TSGA10: variants seen among roughly 807,000 people sequenced by gnomAD.
The protein encoded by TSGA10 is testis specific 10.
TSGA10 carries 43 observed loss-of-function variants against 96.6 expected under a neutral mutation model. That is an observed-to-expected ratio of 0.44 (90% CI 0.35 to 0.57). The LOEUF (loss-of-function observed/expected upper bound fraction) is 0.57, where lower values mean the gene tolerates loss of function less well. Among genes scored for constraint, TSGA10 ranks in the 20% least tolerant of loss-of-function variants. TSGA10 has a pLI of 0.01. For synonymous variants in TSGA10, 229 were observed against 269.9 expected (o/e 0.85, Z 1.48); for missense variants, 703 against 834.4 (o/e 0.84, Z 1.94).
At position 99,111,182 on chromosome 2, in the gene TSGA10, G is replaced by A. The variant is rs556835950; in HGVS notation, c.-139-267C>T. ...TTACCAAATTATTCCCCATAAACTGGAACAAAATGTTAGTACTAATTACAA... is the reference window on the plus strand; with the variant it reads ...TTACCAAATTATTCCCCATAAACTGAAACAAAATGTTAGTACTAATTACAA... On this transcript the variant is annotated intron_variant, in intron 4 of 20. Transcript: ENST00000393483. Among the ~76,000 whole-genome samples, 146 of 152,006 alleles carry A rather than the reference G, an allele frequency of 9.6e-4. 1 individual carries two copies. The highest frequency in any genetic ancestry group is 3.9e-3 in the Admixed American group (60 of 15,290).
chr2:99,109,611 T>G (rs2091639728), intron 5 of TSGA10, 99 bp from the exon 6 acceptor site: 1 of 996,492 alleles, frequency 1.0e-6, no homozygotes, highest in East Asian at 3.2e-5. Flanking sequence ...ATAGCATCAT[T>G]TTCTAAGTGA....
At chr2:99,047,959 C>T (rs1271135733) in intron 16 of TSGA10, among the ~76,000 whole-genome samples, 2 of 152,146 alleles carry the variant, frequency 1.3e-5, no homozygotes, top group Non-Finnish European at 2.9e-5. Flanking sequence ...CATGAGTGAA[C>T]TCCCATTCAC....
chr2:99,120,652 C>G (rs1215987546), intron 2 of TSGA10, among the ~76,000 whole-genome samples: 1 of 152,132 alleles, frequency 6.6e-6, no homozygotes, highest in African/African-American at 2.4e-5. Context: ...AGAGAAGTCT[C>G]ATACGCCCTT....
intron 18 of TSGA10, among the ~76,000 whole-genome samples, chr2:99,019,860 A>G (rs188853080): frequency 6.6e-6 from 1 of 152,318 alleles, no homozygotes; most frequent in Admixed American, 6.5e-5. Flanking sequence ...AGTCTTCTGT[A>G]TTTTGTGAAT....
At chr2:99,101,195 A>G (rs1423121179) in intron 10 of TSGA10, among the ~76,000 whole-genome samples, 2 of 131,852 alleles carry the variant, frequency 1.5e-5, no homozygotes, top group Non-Finnish European at 3.2e-5. Flanking sequence ...CAGTGAGCCG[A>G]GATTGCATGA....
At chr2:99,150,932 G>A (rs2093687863) in intron 1 of TSGA10, 2 of 732,416 alleles carry the variant, frequency 2.7e-6, no homozygotes, top group South Asian at 1.9e-5. Flanking sequence ...CTGACAAAAT[G>A]ATGGAAGACT....
rs977980769 is a variant in TSGA10 at position 99,136,798 on chromosome 2, CAAAAAAAAAAAAAAAAAAAAAAAAAA to C, written c.-620-9648_-620-9623del. Among the ~76,000 whole-genome samples, 6 of 3,058 alleles carry C rather than the reference CAAAAAAAAAAAAAAAAAAAAAAAAAA, an allele frequency of 2.0e-3. 1 individual carries two copies. Among genetic ancestry groups the C allele is most frequent in the African/African-American group, 2.8e-3 (5 of 1,778 alleles). The allele number at this position is 3,058 out of a possible 152,430, so 2.0% of individuals were successfully genotyped here. On this transcript the variant is annotated intron_variant, in intron 1 of 20. Transcript: ENST00000393483. ...TGGGCGACAGAGCGAGACTCCATCT[CAAAAAAAAAAAAAAAAAAAAAAAAAA>C]AAAAAAAAAAAAAAAAAAAAGTATT...
chr2:99,093,754 G>A (rs183906190), intron 10 of TSGA10, among the ~76,000 whole-genome samples: 91 of 152,074 alleles, frequency 6.0e-4, no homozygotes, highest in African/African-American at 1.9e-3. Context: ...CATCACAGAC[G>A]ACACAAACAA....
At chr2:99,031,553 A>T (rs1573637970) in intron 17 of TSGA10, among the ~76,000 whole-genome samples, 2 of 152,152 alleles carry the variant, frequency 1.3e-5, no homozygotes, top group African/African-American at 2.4e-5. Context: ...CTGTTAAGAG[A>T]ATAAAAACCA....
intron 20 of TSGA10, among the ~76,000 whole-genome samples, chr2:99,006,202 C>G (rs1325176933): frequency 2.0e-5 from 3 of 152,080 alleles, no homozygotes; most frequent in Admixed American, 2.0e-4. Context: ...AGAAGAAAAC[C>G]TAGGCAATAC....
chr2:99,035,560 T>C (rs1245392727), intron 16 of TSGA10, 121 bp from the exon 17 acceptor site: 1 of 581,686 alleles, frequency 1.7e-6, no homozygotes, highest in Non-Finnish European at 2.9e-6. Context: ...GTATGAAGTT[T>C]AAATAATACA....
chr2:99,079,557 C>T (rs900575444), intron 11 of TSGA10, among the ~76,000 whole-genome samples: 3 of 152,130 alleles, frequency 2.0e-5, no homozygotes, highest in African/African-American at 4.8e-5. Flanking sequence ...TCCTTCTTTC[C>T]CCAGTGATTC....
chr2:99,017,423 A>G (rs982375053), intron 20 of TSGA10, among the ~76,000 whole-genome samples: 1 of 152,188 alleles, frequency 6.6e-6, no homozygotes, highest in African/African-American at 2.4e-5. Flanking sequence ...CAAATATCAT[A>G]TGTTCTCACT....
intron 10 of TSGA10, among the ~76,000 whole-genome samples, chr2:99,082,162 TC>T (rs2087607678): frequency 6.6e-6 from 1 of 152,240 alleles, no homozygotes; most frequent in Non-Finnish European, 1.5e-5. Flanking sequence ...TGTGTGAAGT[TC>T]CCAGGATTTT....
At chr2:99,000,745 T>A (rs985950230) in intron 20 of TSGA10, among the ~76,000 whole-genome samples, 8 of 151,928 alleles carry the variant, frequency 5.3e-5, no homozygotes, top group African/African-American at 1.9e-4. Flanking sequence ...GAATTCCCTT[T>A]CCTAGTGCTC....
chr2:99,063,622 G>A (rs1262860450), intron 16 of TSGA10, among the ~76,000 whole-genome samples: 1 of 151,940 alleles, frequency 6.6e-6, no homozygotes, highest in Non-Finnish European at 1.5e-5. Context: ...GGCCAACATG[G>A]TGAAACCCCA....
At chr2:99,023,216 T>G (rs765080121) in intron 17 of TSGA10, among the ~76,000 whole-genome samples, 1 of 152,100 alleles carries the variant, frequency 6.6e-6, no homozygotes, top group Non-Finnish European at 1.5e-5. Flanking sequence ...CCCAGGCTGG[T>G]CTTAAACTCC....
Position 99,037,125 on chromosome 2 carries a change from G to C in TSGA10, c.1405-1686C>G, listed in dbSNP as rs138940276. On this transcript the variant is annotated intron_variant, in intron 16 of 20. Transcript: ENST00000393483. ...AAGTCAGCAAGGATACAATTCAACT[G>C]AACAGCGTTATCAATCAATTGGATC... 1.8e-3 allele frequency among the ~76,000 whole-genome samples: 278 copies of C among 152,232 alleles called. 2 individuals are homozygous for C. The highest frequency in any genetic ancestry group is 6.0e-3 in the Admixed American group (92 of 15,278).
At chr2:99,072,381 C>T (rs1313731025) in intron 13 of TSGA10, among the ~76,000 whole-genome samples, 1 of 152,210 alleles carries the variant, frequency 6.6e-6, no homozygotes, top group African/African-American at 2.4e-5. Flanking sequence ...TTATATTTAA[C>T]TGCTTACTAG....
Sources: gnomAD v4.1 joint callset for allele counts (sites outside exome capture counted in the v4.1 genomes callset) on GRCh38, gnomAD v4.1.1 for gene constraint, MANE v1.5 for transcripts, NCBI Gene and HGNC (gene_info 2026-07-23, HGNC 2026-07-21) for gene names.